Variants in IL1RN observed in about 807,000 individuals in gnomAD.
The protein encoded by IL1RN is interleukin 1 receptor antagonist.
In IL1RN, 10 loss-of-function variants were observed where a neutral mutation model predicts 13.7. The observed-to-expected ratio is 0.73, with a 90% CI of 0.45 to 1.24. The LOEUF (loss-of-function observed/expected upper bound fraction) is 1.24, where lower values mean the gene tolerates loss of function less well. Ranked by LOEUF, IL1RN falls within the 50% of genes most tolerant of loss-of-function variation. The pLI is 0.00. For synonymous variants in IL1RN, 102 were observed against 82.7 expected (o/e 1.23, Z -1.27); for missense variants, 213 against 222.1 (o/e 0.96, Z 0.26).
upstream of IL1RN, chr2:113,117,633 C>T (rs1253488908): frequency 2.6e-6 from 1 of 386,694 alleles, no homozygotes; most frequent in African/African-American, 2.0e-5. Context: ...AATGTGTGCA[C>T]ACATGCATGA....
At chr2:113,113,703 A>T (rs187454837), upstream of IL1RN, among the ~76,000 whole-genome samples, 26 of 152,336 alleles carry the variant, frequency 1.7e-4, no homozygotes. Flanking sequence ...AAACTAATTG[A>T]GATGTAAATA....
upstream of IL1RN, among the ~76,000 whole-genome samples, chr2:113,127,078 TGAGC>T (rs1686987353): frequency 6.6e-6 from 1 of 152,208 alleles, no homozygotes; most frequent in African/African-American, 2.4e-5. Flanking sequence ...AACAGACAGC[TGAGC>T]TGAGTAATCG....
At chr2:113,124,359 T>G (rs1686883659), upstream of IL1RN, among the ~76,000 whole-genome samples, 2 of 152,158 alleles carry the variant, frequency 1.3e-5, no homozygotes, top group South Asian at 4.1e-4. Context: ...AAGAGTGGAC[T>G]TGTGGCCAGA....
upstream of IL1RN, chr2:113,127,397 C>A: frequency 1.1e-6 from 1 of 909,702 alleles, no homozygotes; most frequent in Non-Finnish European, 1.3e-6. Context: ...GGGGAAATTG[C>A]ACAGGGGAAA....
At chr2:113,129,358 T>C (rs552337710) in intron 1 of IL1RN, among the ~76,000 whole-genome samples, 2 of 152,186 alleles carry the variant, frequency 1.3e-5, no homozygotes, top group Non-Finnish European at 2.9e-5. Context: ...GAGTCAAATG[T>C]GGGCTCACTG....
At chr2:113,123,523 C>T (rs1291732899), upstream of IL1RN, among the ~76,000 whole-genome samples, 3 of 152,150 alleles carry the variant, frequency 2.0e-5, no homozygotes, top group Non-Finnish European at 2.9e-5. Flanking sequence ...TCAAGTCCTG[C>T]TAGGGTAGAG....
At chr2:113,126,692 C>T (rs183375001), upstream of IL1RN, among the ~76,000 whole-genome samples, 67 of 148,578 alleles carry the variant, frequency 4.5e-4, 1 homozygote, top group African/African-American at 1.6e-3. Flanking sequence ...CTCCCTCCCT[C>T]TTTCCCTTCC....
intron 1 of IL1RN, among the ~76,000 whole-genome samples, chr2:113,112,157 CTT>C (rs1171466608): frequency 6.6e-6 from 1 of 152,210 alleles, no homozygotes; most frequent in African/African-American, 2.4e-5. Context: ...GGTCTGAATG[CTT>C]CTACCTTCCC....
At position 113,131,151 on chromosome 2, in the gene IL1RN, G is replaced by C. The variant is rs765372730; in HGVS notation, c.312G>C (p.Gln104His). Reference protein sequence around the residue: ...CVKSGDETRLQLEAVNITDLS... With the variant: ...CVKSGDETRLHLEAVNITDLS... ...AGTCTGGTGATGAGACCAGACTCCA[G>C]CTGGAGGTAAAAACATGCTTTGGAT... Residue 104 changes from glutamine to histidine, a missense_variant, in exon 3 of 4, where the codon CAG becomes CAC. Transcript: ENST00000409930. The C allele has an allele frequency of 6.9e-6, 11 of 1,598,160 alleles. No individual in the cohort carries two copies. The highest frequency in any genetic ancestry group is 1.7e-5 in the Admixed American group (1 of 59,984).
upstream of IL1RN, among the ~76,000 whole-genome samples, chr2:113,107,040 G>A (rs1356913457): frequency 2.0e-5 from 3 of 152,196 alleles, no homozygotes; most frequent in Non-Finnish European, 4.4e-5. Flanking sequence ...GCAAAATGAT[G>A]AAATAGGGTA....
At chr2:113,113,513 A>AC (rs932816320), upstream of IL1RN, among the ~76,000 whole-genome samples, 9 of 152,188 alleles carry the variant, frequency 5.9e-5, no homozygotes, top group African/African-American at 2.2e-4. Flanking sequence ...ATCACATAGT[A>AC]CCTATAAGTA....
At chr2:113,126,205 G>T (rs763848493), upstream of IL1RN, among the ~76,000 whole-genome samples, 6 of 152,200 alleles carry the variant, frequency 3.9e-5, no homozygotes, top group Admixed American at 3.9e-4. Flanking sequence ...GCTGAAGGGG[G>T]TGATGTATAT....
upstream of IL1RN, among the ~76,000 whole-genome samples, chr2:113,125,043 T>C (rs1330594940): frequency 6.6e-6 from 1 of 152,172 alleles, no homozygotes; most frequent in African/African-American, 2.4e-5. Flanking sequence ...GTGGCCAGGA[T>C]GGAACTCTCC....
upstream of IL1RN, among the ~76,000 whole-genome samples, chr2:113,105,220 T>C (rs1358218069): frequency 6.6e-6 from 1 of 152,136 alleles, no homozygotes; most frequent in Non-Finnish European, 1.5e-5. Context: ...ACTAGACTGA[T>C]GAACACGATG....
upstream of IL1RN, among the ~76,000 whole-genome samples, chr2:113,105,532 A>G (rs2104418375): frequency 6.6e-6 from 1 of 152,342 alleles, no homozygotes; most frequent in African/African-American, 2.4e-5. Context: ...ATCATGAGGC[A>G]CAACCTTCTG....
At chr2:113,120,365 T>C (rs961253643) in intron 2 of IL1RN, among the ~76,000 whole-genome samples, 11 of 151,760 alleles carry the variant, frequency 7.2e-5, no homozygotes, top group African/African-American at 2.7e-4. Context: ...TGTATGTATG[T>C]ATGCATGTAT....
intron 1 of IL1RN, chr2:113,118,115 C>G: frequency 5.0e-6 from 8 of 1,607,250 alleles, no homozygotes; most frequent in Non-Finnish European, 6.8e-6. Context: ...CTTTCAGGCT[C>G]TGGTGAGCAA....
At chr2:113,114,756 A>T (rs1686562257), upstream of IL1RN, among the ~76,000 whole-genome samples, 1 of 152,042 alleles carries the variant, frequency 6.6e-6, no homozygotes, top group Non-Finnish European at 1.5e-5. Flanking sequence ...CTGGGCTATG[A>T]GCTGGAGATA....
upstream of IL1RN, among the ~76,000 whole-genome samples, chr2:113,105,431 T>A (rs1254810123): frequency 6.6e-6 from 1 of 152,194 alleles, no homozygotes. Flanking sequence ...TGTATCAGGG[T>A]AAATTTTAGG....
Sources: gnomAD v4.1 joint callset for allele counts (sites outside exome capture counted in the v4.1 genomes callset) on GRCh38, gnomAD v4.1.1 for gene constraint, MANE v1.5 for transcripts, NCBI Gene and HGNC (gene_info 2026-07-23, HGNC 2026-07-21) for gene names.